ASTN2: variants seen among roughly 807,000 people sequenced by gnomAD.
ASTN2 encodes astrotactin-2.
A neutral mutation model predicts 139.8 loss-of-function variants in ASTN2; 54 were observed. The observed-to-expected ratio is 0.39, with a 90% confidence interval of 0.31 to 0.48. ASTN2 has a LOEUF of 0.48. Among genes scored for constraint, ASTN2 ranks in the 20% least tolerant of loss-of-function variants. ASTN2 has a pLI of 0.95. For synonymous variants in ASTN2, 756 were observed against 719.5 expected (o/e 1.05, Z -0.81); for missense variants, 1,565 against 1,725.1 (o/e 0.91, Z 1.64).
intron 10 of ASTN2, among the ~76,000 whole-genome samples, chr9:116,950,892 T>C (rs1835539385): frequency 6.6e-6 from 1 of 152,118 alleles, no homozygotes; most frequent in Admixed American, 6.5e-5. Context: ...TTATACAACA[T>C]ATGGAGGAAG....
rs567111312 is a variant in ASTN2 at position 117,125,555 on chromosome 9, A to G, written c.1168+15771T>C. On this transcript the variant is annotated intron_variant, in intron 4 of 22. Coordinates refer to ENST00000313400, the MANE Select transcript of ASTN2 (RefSeq NM_001365068.1). ...CATTCTGTTAAATCTTAAAGAAAGA[A>G]AGGGTTTTACAAAGCCTTTTGGAGT... Among the ~76,000 whole-genome samples, 22 of 152,334 alleles carry G rather than the reference A, an allele frequency of 1.4e-4. No homozygotes were observed. The South Asian group carries it at 4.6e-3, about 32-fold the overall frequency.
chr9:117,114,473 C>A (rs995095354), intron 4 of ASTN2, among the ~76,000 whole-genome samples: 6 of 152,186 alleles, frequency 3.9e-5, no homozygotes, highest in Admixed American at 3.3e-4. Context: ...CATTGATACA[C>A]TGCATTAGCT....
At chr9:117,242,080 T>G (rs1236498207) in intron 2 of ASTN2, among the ~76,000 whole-genome samples, 3 of 140,238 alleles carry the variant, frequency 2.1e-5, no homozygotes, top group Non-Finnish European at 3.0e-5. Flanking sequence ...ATCTGTGGCC[T>G]AGATATGGAC....
intron 20 of ASTN2, among the ~76,000 whole-genome samples, chr9:116,474,170 T>A (rs1031209386): frequency 6.6e-6 from 1 of 152,120 alleles, no homozygotes; most frequent in Non-Finnish European, 1.5e-5. Context: ...GACTCTCAGA[T>A]ACCCAAGAGG....
At chr9:117,285,874 A>T (rs1834436910) in intron 2 of ASTN2, among the ~76,000 whole-genome samples, 1 of 152,192 alleles carries the variant, frequency 6.6e-6, no homozygotes, top group South Asian at 2.1e-4. Flanking sequence ...TCTGAGAGAA[A>T]CATGCCCTCA....
intron 1 of ASTN2, among the ~76,000 whole-genome samples, chr9:117,377,112 T>C (rs932722300): frequency 6.6e-6 from 1 of 152,140 alleles, no homozygotes; most frequent in African/African-American, 2.4e-5. Context: ...GGGCCTCTGC[T>C]AGGAATGGAT....
chr9:116,718,063 G>A (rs1828363774), intron 16 of ASTN2, among the ~76,000 whole-genome samples: 2 of 152,220 alleles, frequency 1.3e-5, no homozygotes, highest in South Asian at 2.1e-4. Context: ...ACTAATAAAT[G>A]TGAACTTACA....
chr9:116,524,717 A>G (rs896360385), intron 19 of ASTN2, among the ~76,000 whole-genome samples: 1 of 152,156 alleles, frequency 6.6e-6, no homozygotes, highest in African/African-American at 2.4e-5. Context: ...TACCTTTCTG[A>G]TCTGCTGGGA....
intron 1 of ASTN2, among the ~76,000 whole-genome samples, chr9:117,354,734 A>G (rs77052223): frequency 0.011 from 1,636 of 152,140 alleles, 18 homozygotes; most frequent in Non-Finnish European, 0.018. Context: ...GCCTGATCCT[A>G]GAACACACAG....
At chr9:117,351,256 G>A (rs1829377362) in intron 1 of ASTN2, among the ~76,000 whole-genome samples, 1 of 152,188 alleles carries the variant, frequency 6.6e-6, no homozygotes, top group Non-Finnish European at 1.5e-5. Flanking sequence ...TACCTACCCA[G>A]TGTCTCCAGA....
At position 117,414,715 on chromosome 9, in the gene ASTN2, GC is replaced by G; in HGVS notation, c.223del (p.Ala75ProfsTer103). ...CCAGCCGATGTCGCTCTCCCGCAGG[GC>G]GGGCAGTGTGGACACCGTGACGGTC... ...LKTVTVSTLPALRESDIGWSG... is the reference protein window; with the variant it reads ...LKTVTVSTLPXLRESDIGWSG... On this transcript the variant is annotated frameshift_variant, in exon 1 of 23. Transcript: ENST00000313400. LOFTEE classifies it high-confidence loss of function. This position sits in a 1 kb window ranked among gnomAD's most constrained non-coding sequence, Gnocchi z 4.2. 7.8e-7 allele frequency: 1 copy of G among 1,275,796 alleles called. No homozygotes were observed. The highest frequency in any genetic ancestry group is 9.9e-7 in the Non-Finnish European group (1 of 1,010,814). The allele number at this position is 1,275,796 out of a possible 1,614,324, so 79.0% of individuals were successfully genotyped here.
At chr9:116,659,506 A>AC (rs1356727058) in intron 16 of ASTN2, among the ~76,000 whole-genome samples, 1 of 152,166 alleles carries the variant, frequency 6.6e-6, no homozygotes, top group African/African-American at 2.4e-5. Flanking sequence ...AAGTAAAGTA[A>AC]CGTGACCAAA....
At chr9:116,932,996 ACT>A (rs1476232556) in intron 10 of ASTN2, among the ~76,000 whole-genome samples, 3 of 94,548 alleles carry the variant, frequency 3.2e-5, no homozygotes, top group African/African-American at 1.3e-4. Flanking sequence ...ACAGAGCGAG[ACT>A]CTGTCTCAAA....
At chr9:116,963,762 T>G (rs1371661485) in intron 10 of ASTN2, among the ~76,000 whole-genome samples, 2 of 152,194 alleles carry the variant, frequency 1.3e-5, no homozygotes, top group African/African-American at 4.8e-5. Flanking sequence ...ATGGATGGAC[T>G]CGATGGGCTT....
intron 11 of ASTN2, among the ~76,000 whole-genome samples, chr9:116,834,168 A>G (rs999712765): frequency 6.6e-6 from 1 of 152,188 alleles, no homozygotes; most frequent in African/African-American, 2.4e-5. Flanking sequence ...ACTCCATACA[A>G]TTTGAATCTT....
At chr9:116,639,197 G>A (rs753950150) in intron 17 of ASTN2, among the ~76,000 whole-genome samples, 2 of 152,170 alleles carry the variant, frequency 1.3e-5, no homozygotes, top group Non-Finnish European at 2.9e-5. Flanking sequence ...GGGATAATTT[G>A]GAGATGAAGC....
rs1216244170 is a variant in ASTN2 at position 116,790,442 on chromosome 9, C to A, written c.2396+15190G>T. On this transcript the variant is annotated intron_variant, in intron 13 of 22. Transcript: ENST00000313400. ...GCCCTGGCTTCCTTACCTCTGCAAT[C>A]CCATCCCTCCACCCCTTCATGACCC... is the stretch of plus-strand genomic sequence containing the variant. 2.6e-5 allele frequency among the ~76,000 whole-genome samples: 4 copies of A among 152,136 alleles called. No individual in the cohort carries two copies. The East Asian group carries it at 7.8e-4, about 30-fold the overall frequency.
chr9:117,107,659 C>A (rs1829140876), intron 4 of ASTN2, among the ~76,000 whole-genome samples: 2 of 152,266 alleles, frequency 1.3e-5, no homozygotes, highest in East Asian at 1.9e-4. Flanking sequence ...TGGACTACAC[C>A]TCCCTCTCTC....
At chr9:116,742,461 C>G (rs1284542270) in intron 13 of ASTN2, among the ~76,000 whole-genome samples, 3 of 152,190 alleles carry the variant, frequency 2.0e-5, no homozygotes, top group Non-Finnish European at 4.4e-5. Context: ...TCCTCCTGGC[C>G]TTTTGGAAGT....
Sources: allele counts gnomAD v4.1 joint callset (sites outside exome capture counted in the v4.1 genomes callset), GRCh38; gene constraint gnomAD v4.1.1; non-coding constraint Gnocchi (gnomAD v3.1); transcripts MANE v1.5; gene names NCBI Gene and HGNC (gene_info 2026-07-23, HGNC 2026-07-21).